The following NHLH2 variants were observed in gnomAD, a reference collection of about 807,000 sequenced individuals.
NHLH2 encodes the protein helix-loop-helix protein 2.
NHLH2 carries 7 observed loss-of-function variants against 7.3 expected under a neutral mutation model. That is an observed-to-expected ratio of 0.96 (90% CI 0.55 to 1.81). The LOEUF (loss-of-function observed/expected upper bound fraction) is 1.81. NHLH2 is among the 40% of genes most tolerant of loss of function. The pLI, the probability that NHLH2 is intolerant of heterozygous loss-of-function variation, is 0.00. For synonymous variants in NHLH2, 93 were observed against 91.6 expected (o/e 1.01, Z -0.09); for missense variants, 155 against 194.0 (o/e 0.80, Z 1.19).
chr1:115,831,525 T>G (rs1158852220), downstream of NHLH2, among the ~76,000 whole-genome samples: 1 of 152,182 alleles, frequency 6.6e-6, no homozygotes, highest in East Asian at 1.9e-4. Flanking sequence ...ACGAACAGTA[T>G]TTCCTGAAAA....
rs1433713142 is a variant in NHLH2 at position 115,840,207 on chromosome 1, G to A, written c.-9+9C>T. ...TCAAGCTGAAAAAAATTATTTAAAG[G>A]AGTCTTACCTTGCAAAAGCCTTTTT... On this transcript the variant is annotated intron_variant, in intron 2 of 2. Transcript: ENST00000320238. 6.0e-6 allele frequency: 1 copy of A among 167,016 alleles called. No homozygotes were observed. Among genetic ancestry groups the A allele is most frequent in the South Asian group, 2.1e-4 (1 of 4,832 alleles). The allele number at this position is 167,016 out of a possible 1,614,324, so 10.3% of individuals were successfully genotyped here. A position where few individuals can be genotyped will look rare whatever the true frequency, so the allele number is the denominator to read the frequency against.
chr1:115,831,797 C>G (rs1650759389), downstream of NHLH2, among the ~76,000 whole-genome samples: 1 of 152,010 alleles, frequency 6.6e-6, no homozygotes, highest in African/African-American at 2.4e-5. Flanking sequence ...TGGTACATGC[C>G]TGTAATCCCA....
Position 115,840,397 on chromosome 1 carries a change from C to G in NHLH2, c.-190G>C, listed in dbSNP as rs960574542. On this transcript the variant is annotated 5_prime_UTR_variant, in exon 2 of 3. Transcript: ENST00000320238. The stretch of plus-strand genomic sequence containing the variant: ...GGACAATAATATCTCAGGATGTAGA[C>G]GATATGAATGATTGTTCACTTAGTT... 1.8e-5 allele frequency: 3 copies of G among 167,020 alleles called. No homozygotes were observed. The highest frequency in any genetic ancestry group is 7.2e-5 in the African/African-American group (3 of 41,540). The allele number at this position is 167,020 out of a possible 1,614,324, so 10.3% of individuals were successfully genotyped here.
chr1:115,835,729 C>T (rs1403118211), downstream of NHLH2, among the ~76,000 whole-genome samples: 1 of 152,140 alleles, frequency 6.6e-6, no homozygotes, highest in Non-Finnish European at 1.5e-5. Flanking sequence ...TGCATATGTA[C>T]ATATAGTTTT....
downstream of NHLH2, among the ~76,000 whole-genome samples, chr1:115,834,433 A>T (rs1193086929): frequency 6.6e-6 from 1 of 152,152 alleles, no homozygotes; most frequent in African/African-American, 2.4e-5. Flanking sequence ...AGCTCAGGGT[A>T]AAGGATGAGG....
In NHLH2 at chr1:115,836,681, CT is replaced by C. The variant is rs1025161058; in HGVS notation, c.*1283del. The C allele has an allele frequency of 2.0e-4, 29 of 147,280 alleles. No individual in the cohort carries two copies. The highest frequency in any genetic ancestry group is 2.2e-4 in the South Asian group (1 of 4,632). 9.1% of individuals were successfully genotyped at this position (147,280 alleles called of 1,614,324 possible). A position where few individuals can be genotyped will look rare whatever the true frequency, so the allele number is the denominator to read the frequency against. On this transcript the variant is annotated 3_prime_UTR_variant, in exon 3 of 3. Coordinates refer to ENST00000320238, the MANE Select transcript of NHLH2 (RefSeq NM_005599.3). ...GAAAGTAGTTCTGAATTCTTTTTTT[CT>C]TTTTTTTTTAGGAAAATAACTTAAT...
At chr1:115,833,977 C>T (rs888246528), downstream of NHLH2, among the ~76,000 whole-genome samples, 11 of 152,152 alleles carry the variant, frequency 7.2e-5, no homozygotes, top group African/African-American at 1.9e-4. Flanking sequence ...TCTGGTGATA[C>T]GTGTTCATGG....
At chr1:115,833,012 T>G (rs1052855147), downstream of NHLH2, among the ~76,000 whole-genome samples, 1 of 152,136 alleles carries the variant, frequency 6.6e-6, no homozygotes, top group African/African-American at 2.4e-5. Flanking sequence ...ATGGCACTAG[T>G]GAGGGTCTGG....
Position 115,838,397 on chromosome 1 carries a change from A to C in NHLH2, c.-8-17T>G, listed in dbSNP as rs1324668797. 2 of 1,607,518 alleles carry C rather than the reference A, an allele frequency of 1.2e-6. No homozygotes were observed. The highest frequency in any genetic ancestry group is 3.3e-5 in the Admixed American group (2 of 59,832). On this transcript the variant is annotated splice_polypyrimidine_tract_variant and intron_variant, in intron 2 of 2. Transcript: ENST00000320238. ...TTTTGGAGGCTGAGGAGGGGTCGGA[A>C]AATTAATCAGTAAAAGGAATCAGGG...
chr1:115,835,571 A>G (rs1484510832), downstream of NHLH2, among the ~76,000 whole-genome samples: 1 of 152,218 alleles, frequency 6.6e-6, no homozygotes, highest in African/African-American at 2.4e-5. Context: ...TGTGAAGCTG[A>G]CAAGAAGACA....
intron 2 of NHLH2, 57 bp from the exon 3 acceptor site, chr1:115,838,437 G>A: frequency 6.4e-7 from 1 of 1,557,732 alleles, no homozygotes; most frequent in Non-Finnish European, 8.7e-7. Context: ...TTGCTGGAAG[G>A]ATGGCTGCCG....
Position 115,837,792 on chromosome 1 carries a change from T to G in NHLH2, c.*173A>C, listed in dbSNP as rs1266077305. The G allele has an allele frequency of 1.4e-6, 1 of 699,898 alleles. No homozygotes were observed. The highest frequency in any genetic ancestry group is 2.2e-6 in the Non-Finnish European group (1 of 453,818). 43.4% of individuals were successfully genotyped at this position (699,898 alleles called of 1,614,324 possible). A position where few individuals can be genotyped will look rare whatever the true frequency, so the allele number is the denominator to read the frequency against. ...ACCTGCCTGCGTCGGAAACCTTCCC[T>G]CGTCGCCCTGCTGACCAGAGAGAAC... is the stretch of plus-strand genomic sequence containing the variant. On this transcript the variant is annotated 3_prime_UTR_variant, in exon 3 of 3. Transcript: ENST00000320238.
In NHLH2 at chr1:115,837,647, A is replaced by T; in HGVS notation, c.*318T>A. ...GAATGTAGGAGAACTCAAAGTCTCC[A>T]GTGGGTTAAAACCACAACCCTTGGG... On this transcript the variant is annotated 3_prime_UTR_variant, in exon 3 of 3. Coordinates refer to ENST00000320238, the MANE Select transcript of NHLH2 (RefSeq NM_005599.3). 1 of 357,900 alleles carries T rather than the reference A, an allele frequency of 2.8e-6. No individual in the cohort carries two copies. Among genetic ancestry groups the T allele is most frequent in the Non-Finnish European group, 5.0e-6 (1 of 198,474 alleles). 22.2% of individuals were successfully genotyped at this position (357,900 alleles called of 1,614,324 possible).
At chr1:115,833,757 G>A (rs772249413), downstream of NHLH2, among the ~76,000 whole-genome samples, 9 of 152,132 alleles carry the variant, frequency 5.9e-5, no homozygotes, top group Non-Finnish European at 1.0e-4. Context: ...CTATTATTTC[G>A]ACTACTAATA....
In NHLH2 at chr1:115,836,845, T is replaced by C. The variant is rs537193989; in HGVS notation, c.*1120A>G. 6.6e-6 allele frequency: 1 copy of C among 152,298 alleles called. No individual in the cohort carries two copies. Among genetic ancestry groups the C allele is most frequent in the South Asian group, 2.1e-4 (1 of 4,826 alleles). 9.4% of individuals were successfully genotyped at this position (152,298 alleles called of 1,614,324 possible). ...TTAAAAAACTATAATAGTGAAGTGC[T>C]AGTGTTGCTGATCTCACAACAAAAG... On this transcript the variant is annotated 3_prime_UTR_variant, in exon 3 of 3. Transcript: ENST00000320238.
downstream of NHLH2, among the ~76,000 whole-genome samples, chr1:115,833,204 G>A (rs193030300): frequency 3.9e-4 from 59 of 152,320 alleles, no homozygotes; most frequent in Non-Finnish European, 7.8e-4. Flanking sequence ...ATGTGGTAGT[G>A]AATGACGGTG....
intron 2 of NHLH2, 115 bp from the exon 3 acceptor site, chr1:115,838,495 TC>T: frequency 1.7e-6 from 2 of 1,208,866 alleles, no homozygotes; most frequent in Non-Finnish European, 2.3e-6. Context: ...CCGGGCCCCC[TC>T]CCCACAGCAG....
rs1304306810 is a variant in NHLH2, at chr1:115,837,005, A to T, written c.*960T>A. 6.6e-6 allele frequency: 1 copy of T among 152,494 alleles called. No individual in the cohort carries two copies. The highest frequency in any genetic ancestry group is 2.4e-5 in the African/African-American group (1 of 41,462). The allele number at this position is 152,494 out of a possible 1,614,324, so 9.4% of individuals were successfully genotyped here. A position where few individuals can be genotyped will look rare whatever the true frequency, so the allele number is the denominator to read the frequency against. On this transcript the variant is annotated 3_prime_UTR_variant, in exon 3 of 3. Transcript: ENST00000320238. ...GTATAATCTCAACAAACACGTAAAA[A>T]GTTAGACATAATTATTCCACAGGAA...
chr1:115,833,409 C>G (rs1377211341), downstream of NHLH2, among the ~76,000 whole-genome samples: 1 of 152,168 alleles, frequency 6.6e-6, no homozygotes, highest in Non-Finnish European at 1.5e-5. Context: ...GCAGACGCAG[C>G]ACTCCTTAGG....
Sources: allele counts gnomAD v4.1 joint callset (sites outside exome capture counted in the v4.1 genomes callset), GRCh38; gene constraint gnomAD v4.1.1; transcripts MANE v1.5; gene names NCBI Gene and HGNC (gene_info 2026-07-23, HGNC 2026-07-21).